The following RSL1D1 variants were observed in gnomAD, a reference collection of about 807,000 sequenced individuals.
The protein encoded by RSL1D1 is ribosomal L1 domain-containing protein 1.
Under a neutral mutation model 44.6 loss-of-function variants are expected in RSL1D1, and 34 were observed. The observed-to-expected ratio is 0.76, with a 90% CI of 0.58 to 1.02. The LOEUF is 1.02. Ranked by LOEUF, RSL1D1 falls within the 50% of genes least tolerant of loss-of-function variation. The pLI, the probability that RSL1D1 is intolerant of heterozygous loss-of-function variation, is 0.00. For synonymous variants in RSL1D1, 271 were observed against 207.4 expected (o/e 1.31, Z -2.63); for missense variants, 767 against 568.1 (o/e 1.35, Z -3.56).
chr16:11,840,823 T>C (rs183556461), intron 7 of RSL1D1, among the ~76,000 whole-genome samples: 2 of 152,308 alleles, frequency 1.3e-5, no homozygotes, highest in East Asian at 1.9e-4. Flanking sequence ...CCAACGAATG[T>C]AGGTGTATGA....
At chr16:11,840,499 G>T (rs1006783527) in intron 7 of RSL1D1, among the ~76,000 whole-genome samples, 1 of 152,084 alleles carries the variant, frequency 6.6e-6, no homozygotes, top group East Asian at 1.9e-4. Flanking sequence ...CCTGGAAGGC[G>T]GGGGGTTGTA....
intron 5 of RSL1D1, among the ~76,000 whole-genome samples, chr16:11,845,147 T>C (rs1417101524): frequency 1.3e-5 from 2 of 152,308 alleles, no homozygotes; most frequent in East Asian, 3.9e-4. Context: ...AGGGGTAATA[T>C]GGTGCTTTTA....
chr16:11,839,935 C>G lies in RSL1D1; in HGVS notation c.906G>C (p.Arg302Ser). The G allele has an allele frequency of 6.2e-7, 1 of 1,613,608 alleles. No individual in the cohort carries two copies. The highest frequency in any genetic ancestry group is 8.5e-7 in the Non-Finnish European group (1 of 1,179,888). The change falls in exon 8 of 9, where the codon AGG becomes AGC. Residue 302 changes from arginine to serine, a missense_variant. Coordinates refer to ENST00000571133, the MANE Select transcript of RSL1D1 (RefSeq NM_015659.3). ...RERNFEKQKERKKKRQQARKT... is the reference protein window; with the variant it reads ...RERNFEKQKESKKKRQQARKT... Reference sequence around the variant, plus strand: ...TCCTAGCCTGCTGCCTCTTCTTCTTCCTCTCCTTTTGTTTTTCAAAATTTC... The same window carrying G: ...TCCTAGCCTGCTGCCTCTTCTTCTTGCTCTCCTTTTGTTTTTCAAAATTTC...
At chr16:11,850,777 A>G (rs1489514669) in intron 1 of RSL1D1, among the ~76,000 whole-genome samples, 1 of 152,234 alleles carries the variant, frequency 6.6e-6, no homozygotes, top group African/African-American at 2.4e-5. Context: ...TTTAGCATTT[A>G]CTGAGAACTC....
chr16:11,834,684 T>G lies in RSL1D1; in HGVS notation c.*3103A>C, dbSNP rs1481638321. 6.6e-6 allele frequency: 1 copy of G among 152,206 alleles called. No individual in the cohort carries two copies. The highest frequency in any genetic ancestry group is 2.4e-5 in the African/African-American group (1 of 41,446). 9.4% of individuals were successfully genotyped at this position (152,206 alleles called of 1,614,324 possible). On this transcript the variant is annotated 3_prime_UTR_variant, in exon 9 of 9. Coordinates refer to ENST00000571133, the MANE Select transcript of RSL1D1 (RefSeq NM_015659.3). ...AAAACCTAGTTTCTATGGAAAACAA[T>G]CAATTAAGCTAAACCCCCACATTTT...
rs2053707699 is a variant in RSL1D1 at position 11,835,177 on chromosome 16, G to A, written c.*2610C>T. On this transcript the variant is annotated 3_prime_UTR_variant, in exon 9 of 9. Coordinates refer to ENST00000571133, the MANE Select transcript of RSL1D1 (RefSeq NM_015659.3). Reference sequence around the variant, plus strand: ...CTAGACTCCTCTAATTTCAGGGAGAGCTAGATGTTTTTTTTTTTCTCTTTT... The same window carrying A: ...CTAGACTCCTCTAATTTCAGGGAGAACTAGATGTTTTTTTTTTTCTCTTTT... 1 of 151,536 alleles carries A rather than the reference G, an allele frequency of 6.6e-6. No individual in the cohort carries two copies. Among genetic ancestry groups the A allele is most frequent in the Non-Finnish European group, 1.5e-5 (1 of 68,068 alleles). 9.4% of individuals were successfully genotyped at this position (151,536 alleles called of 1,614,324 possible). A position where few individuals can be genotyped will look rare whatever the true frequency, so the allele number is the denominator to read the frequency against.
At chr16:11,841,474 A>G (rs1289698011) in intron 7 of RSL1D1, 3 of 442,014 alleles carry the variant, frequency 6.8e-6, no homozygotes, top group African/African-American at 6.0e-5. Context: ...ATCAATAAAT[A>G]CAAGATATTT....
intron 7 of RSL1D1, chr16:11,841,456 T>A: frequency 2.8e-6 from 1 of 357,980 alleles, no homozygotes; most frequent in Non-Finnish European, 5.1e-6. Flanking sequence ...AAAAAAAAAA[T>A]CCAATTTATC....
In RSL1D1 at chr16:11,851,485, A is replaced by C; in HGVS notation, c.28T>G (p.Ser10Ala). The C allele has an allele frequency of 1.2e-6, 2 of 1,613,978 alleles. No homozygotes were observed. Residue 10 changes from serine (S) to alanine (A), a missense_variant, in exon 1 of 9, where the codon TCT becomes GCT. Ser to Ala is a moderately conservative substitution (Grantham distance 99). Transcript: ENST00000571133. MEDSASASL[S>A]SAAATGTSTS... ...GAGGTTCCAGTAGCGGCTGCAGAAG[A>C]CAGCGAGGCCGAGGCCGAATCCTCC...
At chr16:11,843,186 C>T (rs527330124) in intron 5 of RSL1D1, among the ~76,000 whole-genome samples, 4 of 151,260 alleles carry the variant, frequency 2.6e-5, no homozygotes, top group Non-Finnish European at 4.4e-5. Flanking sequence ...CCGCCTGCCT[C>T]GGCCTCTCAA....
Position 11,851,530 on chromosome 16 carries a change from A to G in RSL1D1, c.-18T>C, listed in dbSNP as rs1200057945. The G allele has an allele frequency of 2.5e-6, 4 of 1,611,426 alleles. No homozygotes were observed. The highest frequency in any genetic ancestry group is 2.7e-5 in the African/African-American group (2 of 74,860). On this transcript the variant is annotated 5_prime_UTR_variant, in exon 1 of 9. Coordinates refer to ENST00000571133, the MANE Select transcript of RSL1D1 (RefSeq NM_015659.3). ...TCCTCCATCTTGTTTCCACCTCGTG[A>G]AGAGGCGCGTGTGCAACCCCACTGC... is the stretch of plus-strand genomic sequence containing the variant.
At chr16:11,839,526 T>TAAA (rs55657359) in intron 8 of RSL1D1, among the ~76,000 whole-genome samples, 169 bp downstream of exon 8, 1 of 121,446 alleles carries the variant, frequency 8.2e-6, no homozygotes, top group Admixed American at 8.5e-5. Context: ...AGATCCCATC[T>TAAA]AAAAAAAAAA....
chr16:11,847,844 T>C lies in RSL1D1; in HGVS notation c.246-38A>G, dbSNP rs767922904. 3.1e-6 allele frequency: 5 copies of C among 1,595,298 alleles called. No individual in the cohort carries two copies. In the African/African-American group the frequency reaches 4.0e-5, roughly 13 times the overall value. ...TGAAAAGAAACCGAGGAAAGCATTATTACACACATTATGCATGTTTGTATC... is the reference window on the plus strand; with the variant it reads ...TGAAAAGAAACCGAGGAAAGCATTACTACACACATTATGCATGTTTGTATC... On this transcript the variant is annotated intron_variant, in intron 2 of 8. Transcript: ENST00000571133.
chr16:11,851,537 G>C lies in RSL1D1; in HGVS notation c.-25C>G, dbSNP rs912845529. On this transcript the variant is annotated 5_prime_UTR_variant, in exon 1 of 9. Transcript: ENST00000571133. ...TCTTGTTTCCACCTCGTGAAGAGGCGCGTGTGCAACCCCACTGCTGGCTTC... is the reference window on the plus strand; with the variant it reads ...TCTTGTTTCCACCTCGTGAAGAGGCCCGTGTGCAACCCCACTGCTGGCTTC... 3.7e-6 allele frequency: 6 copies of C among 1,607,012 alleles called. No individual in the cohort carries two copies. In the African/African-American group the frequency reaches 8.0e-5, roughly 21 times the overall value.
chr16:11,838,343 AG>A (rs1026688442), intron 8 of RSL1D1, among the ~76,000 whole-genome samples: 3 of 151,788 alleles, frequency 2.0e-5, no homozygotes, highest in African/African-American at 7.2e-5. Context: ...TTGTATTTTT[AG>A]TAGAAACAGG....
rs2053706769 is a variant in RSL1D1, at chr16:11,835,040, A to C, written c.*2747T>G. 6.6e-6 allele frequency: 1 copy of C among 152,218 alleles called. No homozygotes were observed. The allele number at this position is 152,218 out of a possible 1,614,324, so 9.4% of individuals were successfully genotyped here. A position where few individuals can be genotyped will look rare whatever the true frequency, so the allele number is the denominator to read the frequency against. ...GTGGGAAGATCGCCTTGAGCCCAGG[A>C]AATTGAGGCTGGAGCTGTGATGACA... On this transcript the variant is annotated 3_prime_UTR_variant, in exon 9 of 9. Transcript: ENST00000571133.
At position 11,851,498 on chromosome 16, in the gene RSL1D1, G is replaced by C. The variant is rs775785101; in HGVS notation, c.15C>G (p.Ala5=). Residue 5 remains alanine, a synonymous_variant, in exon 1 of 9, where the codon GCC becomes GCG. Coordinates refer to ENST00000571133, the MANE Select transcript of RSL1D1 (RefSeq NM_015659.3). The part of the protein sequence containing the change: MEDS[A]SASLSSAAAT... ...CGGCTGCAGAAGACAGCGAGGCCGA[G>C]GCCGAATCCTCCATCTTGTTTCCAC... 6 of 1,613,852 alleles carry C rather than the reference G, an allele frequency of 3.7e-6. No homozygotes were observed. The highest frequency in any genetic ancestry group is 3.3e-5 in the South Asian group (3 of 91,068).
chr16:11,838,665 T>C (rs1320145284), intron 8 of RSL1D1, among the ~76,000 whole-genome samples: 1 of 151,284 alleles, frequency 6.6e-6, no homozygotes, highest in Non-Finnish European at 1.5e-5. Context: ...AAGAGTAGCC[T>C]GGCCAACATG....
chr16:11,844,039 G>C (rs1018504570), intron 5 of RSL1D1, among the ~76,000 whole-genome samples: 6 of 152,128 alleles, frequency 3.9e-5, no homozygotes, highest in African/African-American at 1.4e-4. Context: ...TGAGCCAGAA[G>C]GAAGGCTCAC....
Sources: gnomAD v4.1 joint callset for allele counts (sites outside exome capture counted in the v4.1 genomes callset) on GRCh38, gnomAD v4.1.1 for gene constraint, MANE v1.5 for transcripts, NCBI Gene and HGNC (gene_info 2026-07-23, HGNC 2026-07-21) for gene names.